ZNF292: variants seen among roughly 807,000 people sequenced by gnomAD.
ZNF292 encodes 16 zinc-finger domain protein.
Under a neutral mutation model 217.9 loss-of-function variants are expected in ZNF292, and 26 were observed. The observed-to-expected ratio is 0.12, with a 90% CI of 0.09 to 0.17. The LOEUF (loss-of-function observed/expected upper bound fraction) is 0.17. Among genes scored for constraint, ZNF292 ranks in the 10% least tolerant of loss-of-function variants. The pLI, the probability that ZNF292 is intolerant of heterozygous loss-of-function variation, is 1.00. For synonymous variants in ZNF292, 1,257 were observed against 1,124.1 expected, an observed-to-expected ratio of 1.12 and a Z score of -2.37; for missense variants, 2,904 against 3,175.2, an observed-to-expected ratio of 0.91 and a Z score of 2.05.
At position 87,258,920 on chromosome 6, in the gene ZNF292, C is replaced by T; in HGVS notation, c.5291C>T (p.Thr1764Ile). ...GAAAAGACTCTTGAAATTATTAAAACTGCTATGAATTCTCAAATACTTGAG... is the reference window on the plus strand; with the variant it reads ...GAAAAGACTCTTGAAATTATTAAAATTGCTATGAATTCTCAAATACTTGAG... ...NFEKTLEIIK[T>I]AMNSQILEVK... Residue 1764 changes from threonine (T) to isoleucine (I), a missense_variant, in exon 8 of 8, where the codon ACT becomes ATT. Thr to Ile is a moderately conservative substitution (Grantham distance 89). This residue lies in a region of ZNF292 where 622 missense variants were observed against 573.1 expected (regional missense o/e 1.09). Coordinates refer to ENST00000369577, the MANE Select transcript of ZNF292 (RefSeq NM_015021.3). 1 of 1,609,352 alleles carries T rather than the reference C, an allele frequency of 6.2e-7. No individual in the cohort carries two copies. The highest frequency in any genetic ancestry group is 8.5e-7 in the Non-Finnish European group (1 of 1,177,398).
chr6:87,205,197 C>G, intron 1 of ZNF292, among the ~76,000 whole-genome samples: 1 of 151,996 alleles, frequency 6.6e-6, no homozygotes, highest in East Asian at 1.9e-4. Context: ...TTTAGCCTCC[C>G]AAGTAGCTGG....
intron 4 of ZNF292, among the ~76,000 whole-genome samples, chr6:87,228,122 T>C (rs544534728): frequency 6.6e-6 from 1 of 152,348 alleles, no homozygotes; most frequent in South Asian, 2.1e-4. Context: ...GTTTTTTTCG[T>C]AGTAGTCATC....
chr6:87,226,542 A>G (rs967652099), intron 4 of ZNF292, among the ~76,000 whole-genome samples: 1 of 150,548 alleles, frequency 6.6e-6, no homozygotes, highest in Non-Finnish European at 1.5e-5. Context: ...ATATGACCCA[A>G]AGTTTTCAGT....
chr6:87,162,362 A>G (rs1770779201), intron 1 of ZNF292, among the ~76,000 whole-genome samples: 3 of 152,236 alleles, frequency 2.0e-5, no homozygotes, highest in Non-Finnish European at 2.9e-5. Context: ...TACATGTTAC[A>G]TTATAACTGC....
At chr6:87,202,412 C>T (rs1199460121) in intron 1 of ZNF292, among the ~76,000 whole-genome samples, 2 of 152,138 alleles carry the variant, frequency 1.3e-5, no homozygotes, top group Non-Finnish European at 1.5e-5. Context: ...AACTACTATA[C>T]TGAATTCTCT....
intron 7 of ZNF292, among the ~76,000 whole-genome samples, chr6:87,252,053 A>G (rs1221801742): frequency 1.3e-5 from 2 of 152,140 alleles, no homozygotes; most frequent in African/African-American, 4.8e-5. Flanking sequence ...CTCAATATTC[A>G]TATGATATAA....
intron 5 of ZNF292, 58 bp downstream of exon 5, chr6:87,233,585 T>G: frequency 1.3e-6 from 2 of 1,562,360 alleles, no homozygotes; most frequent in Non-Finnish European, 1.7e-6. Flanking sequence ...TAATTTTTAA[T>G]TAGAATGTCT....
chr6:87,250,209 G>A (rs1409407809), intron 7 of ZNF292, among the ~76,000 whole-genome samples: 1 of 151,606 alleles, frequency 6.6e-6, no homozygotes, highest in Non-Finnish European at 1.5e-5. Context: ...CAGCACCTTG[G>A]AAGGCTTAAA....
chr6:87,158,526 T>C (rs1474811449), intron 1 of ZNF292, among the ~76,000 whole-genome samples: 1 of 152,052 alleles, frequency 6.6e-6, no homozygotes, highest in African/African-American at 2.4e-5. Context: ...TCAAAAAAAT[T>C]AGCCAGGCGC....
In ZNF292 at chr6:87,203,470, G is replaced by A. The variant is rs112342650; in HGVS notation, c.169-12433G>A. The stretch of plus-strand genomic sequence containing the variant: ...TTTCCTAACTTTAAATTATCCTCAC[G>A]TTTCTAGGATAACACCTACTAGGCC... On this transcript the variant is annotated intron_variant, in intron 1 of 7. Transcript: ENST00000369577. Among the ~76,000 whole-genome samples, 751 of 151,944 alleles carry A rather than the reference G, an allele frequency of 4.9e-3. 3 individuals carry two copies. Among genetic ancestry groups the A allele is most frequent in the Non-Finnish European group, 7.5e-3 (509 of 67,964 alleles).
Position 87,256,907 on chromosome 6 carries a change from C to A in ZNF292, c.3278C>A (p.Ala1093Asp). Residue 1093 changes from alanine to aspartate, a missense_variant, in exon 8 of 8, where the codon GCT (alanine) becomes GAT (aspartate). Coordinates refer to ENST00000369577, the MANE Select transcript of ZNF292 (RefSeq NM_015021.3). The stretch of plus-strand genomic sequence containing the variant: ...GGAACTCCATCAGTGCCTCCAAAAG[C>A]TCCAGTTCAGAAATTCAGCTGCCAG... The part of the protein sequence containing the change: ...SLGTPSVPPK[A>D]PVQKFSCQVE... The A allele has an allele frequency of 1.2e-6, 2 of 1,613,866 alleles. No homozygotes were observed. Among genetic ancestry groups the A allele is most frequent in the South Asian group, 2.2e-5 (2 of 91,082 alleles).
intron 1 of ZNF292, among the ~76,000 whole-genome samples, chr6:87,207,528 A>G (rs538308594): frequency 5.8e-4 from 88 of 152,278 alleles, no homozygotes; most frequent in African/African-American, 1.9e-3. Context: ...GAAAAATGTG[A>G]AAAAAATATA....
At position 87,258,589 on chromosome 6, in the gene ZNF292, A is replaced by G. The variant is rs1266704855; in HGVS notation, c.4960A>G (p.Thr1654Ala). 1 of 1,613,738 alleles carries G rather than the reference A, an allele frequency of 6.2e-7. No homozygotes were observed. Among genetic ancestry groups the G allele is most frequent in the South Asian group, 1.1e-5 (1 of 91,064 alleles). The change falls in exon 8 of 8, where the codon ACA (threonine) becomes GCA (alanine). Residue 1654 changes from threonine to alanine, a missense_variant. Physicochemically the swap from Thr to Ala is moderately conservative, Grantham distance 58. This residue lies in a region of ZNF292 where 622 missense variants were observed against 573.1 expected (regional missense o/e 1.09). Transcript: ENST00000369577. The stretch of plus-strand genomic sequence containing the variant: ...AAACTTGGTAACAAGTGACTTAACA[A>G]CAATGGGACTCATAGCAAAGAGTGT... Reference protein sequence around the residue: ...SQNLVTSDLTTMGLIAKSVEI... With the variant: ...SQNLVTSDLTAMGLIAKSVEI...
chr6:87,227,545 T>TC (rs1318856136), intron 4 of ZNF292, among the ~76,000 whole-genome samples: 1 of 152,234 alleles, frequency 6.6e-6, no homozygotes, highest in Non-Finnish European at 1.5e-5. Flanking sequence ...CAGAACTTTT[T>TC]CATCTTGAAC....
At chr6:87,233,073 TCAA>T (rs1355112070) in intron 4 of ZNF292, among the ~76,000 whole-genome samples, 1 of 152,138 alleles carries the variant, frequency 6.6e-6, no homozygotes, top group African/African-American at 2.4e-5. Context: ...ATTTTCATCA[TCAA>T]CAAGTTTATT....
chr6:87,257,703 T>C lies in ZNF292; in HGVS notation c.4074T>C (p.Pro1358=), dbSNP rs371398641. Residue 1358 remains proline, a synonymous_variant, in exon 8 of 8, where the codon CCT becomes CCC. Transcript: ENST00000369577. ...GCCCAAATGGGAAGGAAAGAAAACCTAAGCACAACAAAAGGGCTAAATGGC... is the reference window on the plus strand; with the variant it reads ...GCCCAAATGGGAAGGAAAGAAAACCCAAGCACAACAAAAGGGCTAAATGGC... ...GRGPNGKERK[P]KHNKRAKWPA... 1 of 1,613,110 alleles carries C rather than the reference T, an allele frequency of 6.2e-7. No homozygotes were observed. The highest frequency in any genetic ancestry group is 8.5e-7 in the Non-Finnish European group (1 of 1,179,498).
chr6:87,180,778 A>T (rs999182404), intron 1 of ZNF292, among the ~76,000 whole-genome samples: 2 of 152,128 alleles, frequency 1.3e-5, no homozygotes, highest in Admixed American at 1.3e-4. Flanking sequence ...ACCCTCTTCT[A>T]AGTTTGTTCC....
At chr6:87,216,156 C>A (rs45442199) in intron 2 of ZNF292, 99 bp downstream of exon 2, 66,412 of 1,124,458 alleles carry the variant, frequency 0.059, 3,244 homozygotes, top group Middle Eastern at 0.074. Context: ...CACACACACA[C>A]AACATTAAAT....
At chr6:87,167,294 C>CT (rs1171030672) in intron 1 of ZNF292, among the ~76,000 whole-genome samples, 2 of 152,272 alleles carry the variant, frequency 1.3e-5, no homozygotes, top group Middle Eastern at 3.4e-3. Flanking sequence ...ATCCTGAAAT[C>CT]TTTTTTCCCT....
Sources: gnomAD v4.1 joint callset for allele counts (sites outside exome capture counted in the v4.1 genomes callset) on GRCh38, gnomAD v4.1.1 for gene constraint, gnomAD v4.1.1 regional missense constraint, MANE v1.5 for transcripts, NCBI Gene and HGNC (gene_info 2026-07-23, HGNC 2026-07-21) for gene names.